The following FBLN2 variants were observed in gnomAD, a reference collection of about 807,000 sequenced individuals.
The protein encoded by FBLN2 is fibulin 2.
In FBLN2, 81 loss-of-function variants were observed where a neutral mutation model predicts 123.7. The observed-to-expected ratio is 0.65, with a 90% CI of 0.55 to 0.79. The LOEUF (loss-of-function observed/expected upper bound fraction) is 0.79, where lower values mean the gene tolerates loss of function less well. FBLN2 is among the 30% of genes least tolerant of loss of function. FBLN2 has a pLI of 0.00. For missense variants in FBLN2, 1,603 were observed against 1,681.3 expected (o/e 0.95, Z 0.81); for synonymous variants, 699 against 701.4 (o/e 1.00, Z 0.05).
chr3:13,574,865 G>T (rs962162556), intron 2 of FBLN2, among the ~76,000 whole-genome samples: 9 of 152,004 alleles, frequency 5.9e-5, no homozygotes, highest in Admixed American at 2.0e-4. Context: ...TCCCCCACCC[G>T]CTGGGCTTCC....
At chr3:13,614,754 C>T (rs915722320) in intron 5 of FBLN2, among the ~76,000 whole-genome samples, 1 of 151,702 alleles carries the variant, frequency 6.6e-6, no homozygotes, top group Non-Finnish European at 1.5e-5. Context: ...ATCTACCTAT[C>T]CACTATCCAC....
intron 2 of FBLN2, among the ~76,000 whole-genome samples, chr3:13,591,786 T>G (rs963786965): frequency 2.6e-5 from 4 of 152,226 alleles, no homozygotes; most frequent in African/African-American, 9.6e-5. Flanking sequence ...TTTTCTGTAA[T>G]ATCCTAGATG....
At chr3:13,571,855 A>G (rs1483447937) in intron 2 of FBLN2, among the ~76,000 whole-genome samples, 194 bp downstream of exon 2, 3 of 133,240 alleles carry the variant, frequency 2.3e-5, no homozygotes, top group African/African-American at 8.3e-5. Flanking sequence ...AGCTCTTGGG[A>G]TGGGATGGGT....
At chr3:13,588,632 C>T (rs892945878) in intron 2 of FBLN2, among the ~76,000 whole-genome samples, 2 of 152,262 alleles carry the variant, frequency 1.3e-5, no homozygotes, top group Non-Finnish European at 2.9e-5. Flanking sequence ...CAGCACGGAT[C>T]ACCCGAGGCT....
At chr3:13,572,333 C>T (rs539100714) in intron 2 of FBLN2, among the ~76,000 whole-genome samples, 23 of 152,358 alleles carry the variant, frequency 1.5e-4, no homozygotes, top group African/African-American at 5.0e-4. Context: ...CCGAGCTGGT[C>T]AGGCAGCTTC....
intron 6 of FBLN2, among the ~76,000 whole-genome samples, chr3:13,618,673 CT>C (rs1349520463): frequency 3.9e-5 from 6 of 152,206 alleles, no homozygotes; most frequent in Non-Finnish European, 8.8e-5. Context: ...CCTTTCCCCC[CT>C]CTCTTCTTCC....
rs570174991 is a variant in FBLN2 at position 13,638,133 on chromosome 3, G to A, written c.*214G>A. 3.0e-6 allele frequency: 2 copies of A among 657,314 alleles called. No individual in the cohort carries two copies. The highest frequency in any genetic ancestry group is 5.6e-5 in the East Asian group (2 of 35,594). The allele number at this position is 657,314 out of a possible 1,614,324, so 40.7% of individuals were successfully genotyped here. ...CCACGCAGGCACCAAGTGGAAGCTTGCACGGTGGGCCACGGCCGTGGCGGG... is the reference window on the plus strand; with the variant it reads ...CCACGCAGGCACCAAGTGGAAGCTTACACGGTGGGCCACGGCCGTGGCGGG... On this transcript the variant is annotated 3_prime_UTR_variant, in exon 18 of 18. Coordinates refer to ENST00000404922, the MANE Select transcript of FBLN2 (RefSeq NM_001004019.2).
intron 9 of FBLN2, 62 bp downstream of exon 9, chr3:13,621,977 C>T: frequency 6.4e-7 from 1 of 1,571,084 alleles, no homozygotes; most frequent in Non-Finnish European, 8.6e-7. Flanking sequence ...CACGCCAAGC[C>T]CACCACACTG....
chr3:13,621,284 T>C (rs1439829904), intron 8 of FBLN2, among the ~76,000 whole-genome samples: 1 of 152,244 alleles, frequency 6.6e-6, no homozygotes, highest in African/African-American at 2.4e-5. Context: ...ATTAAAACAC[T>C]TCCAGATTTT....
intron 2 of FBLN2, among the ~76,000 whole-genome samples, chr3:13,587,852 G>C (rs1704557910): frequency 2.6e-5 from 4 of 152,144 alleles, no homozygotes; most frequent in Admixed American, 2.6e-4. Context: ...TTTACCTGTG[G>C]CCTGGAGGCA....
At chr3:13,574,219 C>G (rs1443608001) in intron 2 of FBLN2, among the ~76,000 whole-genome samples, 1 of 152,238 alleles carries the variant, frequency 6.6e-6, no homozygotes, top group Non-Finnish European at 1.5e-5. Flanking sequence ...CCCTGCAGAA[C>G]CTGCGTGTGT....
chr3:13,617,510 C>T (rs976765676), intron 5 of FBLN2, among the ~76,000 whole-genome samples: 2 of 150,390 alleles, frequency 1.3e-5, no homozygotes, highest in Non-Finnish European at 3.0e-5. Flanking sequence ...ATCCATCTAT[C>T]CACCCATCCT....
chr3:13,580,954 G>A (rs771913205), intron 2 of FBLN2, among the ~76,000 whole-genome samples: 32 of 152,308 alleles, frequency 2.1e-4, no homozygotes, highest in South Asian at 8.3e-4. Context: ...CAGCTGGTCC[G>A]GGATGGCCTC....
Position 13,577,936 on chromosome 3 carries a change from A to C in FBLN2, c.1306+6275A>C, listed in dbSNP as rs550786759. 7.9e-4 allele frequency among the ~76,000 whole-genome samples: 120 copies of C among 152,334 alleles called. No homozygotes were observed. The South Asian group carries it at 0.024, about 30-fold the overall frequency. Reference sequence around the variant, plus strand: ...CCATTTCATGGAAGAGAAAACTGTCATCTTGGGGCTGTAGCAGGGGGCCCC... The same window carrying C: ...CCATTTCATGGAAGAGAAAACTGTCCTCTTGGGGCTGTAGCAGGGGGCCCC... On this transcript the variant is annotated intron_variant, in intron 2 of 17. Coordinates refer to ENST00000404922, the MANE Select transcript of FBLN2 (RefSeq NM_001004019.2).
rs1357189279 is a variant in FBLN2, at chr3:13,570,469, C to T, written c.114C>T (p.Cys38=). The T allele has an allele frequency of 1.9e-6, 3 of 1,575,778 alleles. No individual in the cohort carries two copies. The highest frequency in any genetic ancestry group is 1.8e-5 in the Admixed American group (1 of 55,246). The change falls in exon 2 of 18, where the codon TGC becomes TGT. Residue 38 remains cysteine, a synonymous_variant. Coordinates refer to ENST00000404922, the MANE Select transcript of FBLN2 (RefSeq NM_001004019.2). ...APRQDCTGVE[C]PPLENCIEEA... ...GGCAGGACTGCACGGGCGTGGAGTG[C>T]CCGCCGCTGGAGAACTGCATTGAGG...
At chr3:13,595,601 C>T (rs1205023768) in intron 2 of FBLN2, among the ~76,000 whole-genome samples, 1 of 152,172 alleles carries the variant, frequency 6.6e-6, no homozygotes, top group African/African-American at 2.4e-5. Context: ...GTGCTGTTTG[C>T]TCAGGCCCCA....
chr3:13,571,712 C>A, intron 2 of FBLN2, 51 bp downstream of exon 2: 2 of 1,476,016 alleles, frequency 1.4e-6, no homozygotes, highest in Middle Eastern at 3.6e-4. Flanking sequence ...GAAGGGCAGC[C>A]TTGGGCTCTG....
intron 4 of FBLN2, among the ~76,000 whole-genome samples, chr3:13,612,150 A>G (rs576904856): frequency 6.6e-6 from 1 of 152,218 alleles, no homozygotes; most frequent in South Asian, 2.1e-4. Context: ...TTTTTTCCTT[A>G]AAACAACTAG....
At chr3:13,585,081 C>G (rs1459437996) in intron 2 of FBLN2, among the ~76,000 whole-genome samples, 1 of 152,216 alleles carries the variant, frequency 6.6e-6, no homozygotes, top group Non-Finnish European at 1.5e-5. Context: ...CACCGTGTGG[C>G]CCCTGGAGCC....
Sources: gnomAD v4.1 joint callset for allele counts (sites outside exome capture counted in the v4.1 genomes callset) on GRCh38, gnomAD v4.1.1 for gene constraint, MANE v1.5 for transcripts, NCBI Gene and HGNC (gene_info 2026-07-23, HGNC 2026-07-21) for gene names.